The following CDK15 variants were observed in gnomAD, a reference collection of about 807,000 sequenced individuals.
CDK15 encodes the protein cyclin-dependent kinase 15.
Under a neutral mutation model 60.3 loss-of-function variants are expected in CDK15, and 62 were observed. The observed-to-expected ratio is 1.03, with a 90% CI of 0.84 to 1.27. The LOEUF (loss-of-function observed/expected upper bound fraction) is 1.27. Ranked by LOEUF, CDK15 falls within the 50% of genes most tolerant of loss-of-function variation. The probability of loss-of-function intolerance (pLI) is 0.00; values close to 1 mark genes in which losing one functional copy is unlikely to be tolerated. For missense variants in CDK15, 541 were observed against 527.8 expected (o/e 1.03, Z -0.25); for synonymous variants, 194 against 195.7 (o/e 0.99, Z 0.07).
At chr2:201,881,889 G>A (rs1363415851) in intron 12 of CDK15, among the ~76,000 whole-genome samples, 1 of 151,968 alleles carries the variant, frequency 6.6e-6, no homozygotes, top group African/African-American at 2.4e-5. Flanking sequence ...ACGCTTGGAT[G>A]TACATACACA....
intron 10 of CDK15, among the ~76,000 whole-genome samples, chr2:201,870,182 T>G (rs1362856167): frequency 6.6e-6 from 1 of 152,184 alleles, no homozygotes; most frequent in Admixed American, 6.5e-5. Context: ...AAAATAATAT[T>G]GTATATGCTT....
intron 5 of CDK15, 35 bp from the exon 6 acceptor site, chr2:201,823,630 T>C: frequency 6.3e-7 from 1 of 1,590,500 alleles, no homozygotes; most frequent in South Asian, 1.1e-5. Context: ...CACCACTAAA[T>C]TCACTCACTT....
Position 201,880,071 on chromosome 2 carries a change from C to A in CDK15, c.1102C>A (p.Leu368Ile). The part of the protein sequence containing the change: ...PEAEDLASQM[L>I]KGFPRDRVSA... ...AGCTGAAGACCTGGCCTCCCAGATGCTAAAAGGCTTTCCCAGAGACCGCGT... is the reference window on the plus strand; with the variant it reads ...AGCTGAAGACCTGGCCTCCCAGATGATAAAAGGCTTTCCCAGAGACCGCGT... The change falls in exon 12 of 14, where the codon CTA (leucine) becomes ATA (isoleucine). Residue 368 changes from leucine (L) to isoleucine (I), a missense_variant. Leu to Ile is a conservative substitution (Grantham distance 5, BLOSUM62 2). Transcript: ENST00000652192. The A allele has an allele frequency of 1.9e-6, 3 of 1,614,116 alleles. No homozygotes were observed. Among genetic ancestry groups the A allele is most frequent in the South Asian group, 2.2e-5 (2 of 91,080 alleles).
At chr2:201,845,842 AAAAAG>A (rs918106358) in intron 8 of CDK15, among the ~76,000 whole-genome samples, 11 of 126,592 alleles carry the variant, frequency 8.7e-5, no homozygotes, top group Admixed American at 7.4e-5. Context: ...GTTAAAAAAA[AAAAAG>A]AGAGAGAGAG....
At chr2:201,892,466 C>T (rs1574949902) in intron 13 of CDK15, among the ~76,000 whole-genome samples, 1 of 152,242 alleles carries the variant, frequency 6.6e-6, no homozygotes, top group South Asian at 2.1e-4. Context: ...CTACAGTGAC[C>T]TTCCACAAAA....
At chr2:201,892,863 C>T (rs554405612) in intron 13 of CDK15, among the ~76,000 whole-genome samples, 1 of 152,314 alleles carries the variant, frequency 6.6e-6, no homozygotes, top group South Asian at 2.1e-4. Context: ...GACTTCGTAA[C>T]TGGCAGCAAT....
At chr2:201,877,122 G>C (rs1699107730) in intron 11 of CDK15, among the ~76,000 whole-genome samples, 1 of 152,114 alleles carries the variant, frequency 6.6e-6, no homozygotes, top group South Asian at 2.1e-4. Context: ...ATAAGAAAAG[G>C]GGTGCCCCTA....
At chr2:201,833,317 G>T (rs1164808201) in intron 6 of CDK15, among the ~76,000 whole-genome samples, 1 of 151,730 alleles carries the variant, frequency 6.6e-6, no homozygotes, top group African/African-American at 2.4e-5. Context: ...GCTTTAAAAA[G>T]ATAAAGATTT....
chr2:201,834,053 G>C, intron 7 of CDK15, 82 bp downstream of exon 7: 1 of 1,486,668 alleles, frequency 6.7e-7, no homozygotes, highest in East Asian at 2.4e-5. Context: ...ACTGGGCCTG[G>C]CCTTTGAAAA....
intron 11 of CDK15, among the ~76,000 whole-genome samples, chr2:201,879,537 G>A (rs548208044): frequency 1.3e-5 from 2 of 152,152 alleles, no homozygotes; most frequent in South Asian, 4.2e-4. Flanking sequence ...ATGCCACCAC[G>A]CCCAGCTAAT....
At chr2:201,890,179 C>T (rs1699596407) in intron 12 of CDK15, among the ~76,000 whole-genome samples, 1 of 152,162 alleles carries the variant, frequency 6.6e-6, no homozygotes. Context: ...TAACTAACGT[C>T]CGGACTCCTT....
intron 10 of CDK15, among the ~76,000 whole-genome samples, chr2:201,868,972 G>A (rs1416016340): frequency 3.3e-5 from 5 of 152,136 alleles, no homozygotes; most frequent in East Asian, 3.9e-4. Context: ...ACAGTGTGGC[G>A]ATTCCTCAAG....
intron 10 of CDK15, among the ~76,000 whole-genome samples, chr2:201,868,573 T>A (rs11683630): frequency 0.36 from 55,412 of 152,084 alleles, 11,487 homozygotes; most frequent in African/African-American, 0.54. Flanking sequence ...CCACCTTCAA[T>A]TTGCATTGAG....
chr2:201,875,398 A>G (rs769295258), intron 11 of CDK15, among the ~76,000 whole-genome samples: 1 of 151,642 alleles, frequency 6.6e-6, no homozygotes, highest in Non-Finnish European at 1.5e-5. Context: ...AGCTGATAGT[A>G]TGAATCAAAT....
chr2:201,822,889 GT>G lies in CDK15; in HGVS notation c.534del (p.Phe178LeufsTer48). 6.2e-7 allele frequency: 1 copy of G among 1,606,474 alleles called. No homozygotes were observed. The highest frequency in any genetic ancestry group is 8.5e-7 in the Non-Finnish European group (1 of 1,173,238). On this transcript the variant is annotated frameshift_variant, in exon 5 of 14. Transcript: ENST00000652192. LOFTEE classifies it high-confidence loss of function. ...CCACACCAAAGAGACACTGACATTC[GT>G]TTTTGAATACATGGTGAGTTGTTCG... ...IIHTKETLTF[V>X]FEYMHTDLAQ...
At chr2:201,884,769 A>G (rs1034176221) in intron 12 of CDK15, among the ~76,000 whole-genome samples, 2 of 152,198 alleles carry the variant, frequency 1.3e-5, no homozygotes, top group African/African-American at 4.8e-5. Context: ...AATTTCTTGC[A>G]TGGTGGGAGA....
rs749900969 is a variant in CDK15, at chr2:201,882,035, G to A, written c.1198+1868G>A. Among the ~76,000 whole-genome samples the A allele has an allele frequency of 6.6e-6, 1 of 152,074 alleles. No homozygotes were observed. The highest frequency in any genetic ancestry group is 1.9e-4 in the East Asian group (1 of 5,198). ...TTCTAGGCTCCAGCTTTTGCTTGAC[G>A]CAAGATGATTAGGAAGAAACAATCA... On this transcript the variant is annotated intron_variant, in intron 12 of 13. Coordinates refer to ENST00000652192, the MANE Select transcript of CDK15 (RefSeq NM_001366386.2). This position sits in a 1 kb window ranked among gnomAD's most constrained non-coding sequence, Gnocchi z 4.0.
intron 9 of CDK15, among the ~76,000 whole-genome samples, chr2:201,850,077 C>T (rs1697843085): frequency 6.6e-6 from 1 of 152,198 alleles, no homozygotes; most frequent in African/African-American, 2.4e-5. Context: ...CCCGCTTTGG[C>T]CTCCCAAAGT....
At chr2:201,842,183 G>C (rs1241227739) in intron 8 of CDK15, among the ~76,000 whole-genome samples, 1 of 152,124 alleles carries the variant, frequency 6.6e-6, no homozygotes, top group Non-Finnish European at 1.5e-5. Flanking sequence ...CCACGATTCT[G>C]CTTTTTATCT....
Sources: allele counts gnomAD v4.1 joint callset (sites outside exome capture counted in the v4.1 genomes callset), GRCh38; gene constraint gnomAD v4.1.1; non-coding constraint Gnocchi (gnomAD v3.1); transcripts MANE v1.5; gene names NCBI Gene and HGNC (gene_info 2026-07-23, HGNC 2026-07-21).